MEGF11: variants seen among roughly 807,000 people sequenced by gnomAD.
The protein encoded by MEGF11 is multiple epidermal growth factor-like domains protein 11.
MEGF11 carries 126 observed loss-of-function variants against 146.6 expected under a neutral mutation model. The ratio of observed to expected loss-of-function variants is 0.86; its 90% CI spans 0.74 to 1.00. The LOEUF is 1.00. Ranked by LOEUF, MEGF11 falls within the 50% of genes least tolerant of loss-of-function variation. The pLI is 0.00. For synonymous variants in MEGF11, 532 were observed against 583.4 expected, an observed-to-expected ratio of 0.91 and a Z score of 1.27; for missense variants, 1,509 against 1,521.2, an observed-to-expected ratio of 0.99 and a Z score of 0.13.
intron 1 of MEGF11, among the ~76,000 whole-genome samples, chr15:66,215,515 C>T (rs2091561589): frequency 6.6e-6 from 1 of 152,092 alleles, no homozygotes. Context: ...AGTCTTGATG[C>T]AGAAATTGCA....
At chr15:65,995,707 C>A (rs1347781762) in intron 5 of MEGF11, among the ~76,000 whole-genome samples, 3 of 152,176 alleles carry the variant, frequency 2.0e-5, no homozygotes, top group Non-Finnish European at 2.9e-5. Flanking sequence ...CCAGAGGCTG[C>A]TGTGCTACTT....
At chr15:65,914,482 A>G (rs2078925582) in intron 19 of MEGF11, among the ~76,000 whole-genome samples, 1 of 152,060 alleles carries the variant, frequency 6.6e-6, no homozygotes, top group Non-Finnish European at 1.5e-5. Context: ...CCCAGTCGTG[A>G]GCACCAAGTG....
intron 4 of MEGF11, among the ~76,000 whole-genome samples, chr15:66,100,503 C>G (rs185601550): frequency 6.6e-6 from 1 of 152,364 alleles, no homozygotes; most frequent in Non-Finnish European, 1.5e-5. Flanking sequence ...TTCCCGGTTG[C>G]AAGCCGTGGG....
At chr15:66,250,423 G>C (rs2092353940) in intron 1 of MEGF11, among the ~76,000 whole-genome samples, 1 of 152,190 alleles carries the variant, frequency 6.6e-6, no homozygotes, top group Non-Finnish European at 1.5e-5. Context: ...TAAACTTTAA[G>C]CCTATGGAGG....
intron 5 of MEGF11, among the ~76,000 whole-genome samples, chr15:66,070,236 G>T (rs915198717): frequency 2.0e-5 from 3 of 152,232 alleles, no homozygotes; most frequent in African/African-American, 7.2e-5. Context: ...TTTAGAAACA[G>T]TCTGGGAGCT....
upstream of MEGF11, chr15:66,253,750 T>TGAGC (rs1039522033): frequency 2.6e-5 from 4 of 152,332 alleles, no homozygotes; most frequent in Middle Eastern, 3.4e-3. Context: ...CGGGAGCGAC[T>TGAGC]GAGCGAGCGA....
At chr15:66,144,598 C>G (rs895780146) in intron 1 of MEGF11, among the ~76,000 whole-genome samples, 1 of 152,216 alleles carries the variant, frequency 6.6e-6, no homozygotes, top group African/African-American at 2.4e-5. Context: ...CGACATCACT[C>G]TAACAGGAAT....
At chr15:66,044,490 C>T (rs1242660779) in intron 5 of MEGF11, among the ~76,000 whole-genome samples, 1 of 151,994 alleles carries the variant, frequency 6.6e-6, no homozygotes, top group African/African-American at 2.4e-5. Context: ...CAGGAGGTGC[C>T]CATAATTCTC....
At chr15:65,905,988 C>G in intron 24 of MEGF11, 97 bp downstream of exon 24, 1 of 1,039,550 alleles carries the variant, frequency 9.6e-7, no homozygotes. Flanking sequence ...GGCAGGCACA[C>G]ACAGTTTGTC....
chr15:65,981,629 A>G (rs1306188995), intron 6 of MEGF11, among the ~76,000 whole-genome samples: 2 of 152,070 alleles, frequency 1.3e-5, no homozygotes, highest in African/African-American at 4.8e-5. Context: ...TGGGAGGAGA[A>G]CTTCAATCTT....
rs2078615812 is a variant in MEGF11, at chr15:65,905,995, T to C, written c.3055+90A>G. 9.9e-6 allele frequency: 11 copies of C among 1,106,792 alleles called. No individual in the cohort carries two copies. The South Asian group carries it at 1.4e-4, about 14-fold the overall frequency. The allele number at this position is 1,106,792 out of a possible 1,614,324, so 68.6% of individuals were successfully genotyped here. ...CTGTGGGGGGCAGGCACACACAGTT[T>C]GTCTCAAGTGGAATTCCTGGCCATT... On this transcript the variant is annotated intron_variant, in intron 24 of 25. Transcript: ENST00000395614.
At chr15:66,170,985 T>G (rs1274768894) in intron 1 of MEGF11, among the ~76,000 whole-genome samples, 1 of 152,224 alleles carries the variant, frequency 6.6e-6, no homozygotes, top group East Asian at 1.9e-4. Flanking sequence ...TGTGACGCCA[T>G]GTCCTCGCTC....
intron 5 of MEGF11, among the ~76,000 whole-genome samples, chr15:66,035,001 A>C (rs1189254842): frequency 6.6e-6 from 1 of 152,180 alleles, no homozygotes; most frequent in Non-Finnish European, 1.5e-5. Flanking sequence ...ACCAGATGCC[A>C]GTGTCACGCT....
intron 5 of MEGF11, among the ~76,000 whole-genome samples, chr15:66,080,899 C>T (rs542618855): frequency 5.9e-5 from 9 of 152,332 alleles, no homozygotes; most frequent in South Asian, 2.1e-4. Flanking sequence ...TGCGAAGGGC[C>T]GCGGGCTTGG....
At chr15:66,016,132 C>T (rs1399438068) in intron 5 of MEGF11, among the ~76,000 whole-genome samples, 1 of 151,892 alleles carries the variant, frequency 6.6e-6, no homozygotes, top group African/African-American at 2.4e-5. Flanking sequence ...AAAAAAAACC[C>T]ACTCGGCTTC....
intron 4 of MEGF11, among the ~76,000 whole-genome samples, chr15:66,115,416 A>G (rs538420789): frequency 9.2e-5 from 14 of 152,178 alleles, no homozygotes; most frequent in Non-Finnish European, 1.9e-4. Flanking sequence ...CCATTCTCTC[A>G]TGGGCAAGTG....
At position 66,075,241 on chromosome 15, in the gene MEGF11, G is replaced by A. The variant is rs74022139; in HGVS notation, c.394+19161C>T. ...ATATCAGGCCCCTAATAAATGTTTG[G>A]TGACTGTAACATACTCACTAGAGAA... On this transcript the variant is annotated intron_variant, in intron 5 of 25. Transcript: ENST00000395614. Among the ~76,000 whole-genome samples, 385 of 152,284 alleles carry A rather than the reference G, an allele frequency of 2.5e-3. 3 individuals are homozygous for A. Among genetic ancestry groups the A allele is most frequent in the African/African-American group, 8.7e-3 (361 of 41,544 alleles).
rs553797765 is a variant in MEGF11, at chr15:66,106,375, G to A, written c.302-11881C>T. 2.0e-4 allele frequency among the ~76,000 whole-genome samples: 31 copies of A among 152,212 alleles called. 1 individual carries two copies. In the South Asian group the frequency reaches 6.2e-3, roughly 31 times the overall value. On this transcript the variant is annotated intron_variant, in intron 4 of 25. Transcript: ENST00000395614. ...ATACGGGTGCACACATGTGTAGGGGGAGCATTTTACACACAGCAAAACCCA... is the reference window on the plus strand; with the variant it reads ...ATACGGGTGCACACATGTGTAGGGGAAGCATTTTACACACAGCAAAACCCA...
At chr15:65,956,957 C>G (rs545962208) in intron 10 of MEGF11, among the ~76,000 whole-genome samples, 2 of 152,178 alleles carry the variant, frequency 1.3e-5, no homozygotes, top group African/African-American at 4.8e-5. Context: ...ATGGCAACAT[C>G]CATCAAGAGC....
Sources: allele counts gnomAD v4.1 joint callset (sites outside exome capture counted in the v4.1 genomes callset), GRCh38; gene constraint gnomAD v4.1.1; transcripts MANE v1.5; gene names NCBI Gene and HGNC (gene_info 2026-07-23, HGNC 2026-07-21).